The following PACRGL variants were observed in gnomAD, a reference collection of about 807,000 sequenced individuals.
PACRGL encodes the protein PACRG-like protein.
Under a neutral mutation model 34.5 loss-of-function variants are expected in PACRGL, and 38 were observed. That is an observed-to-expected ratio of 1.10 (90% confidence interval 0.85 to 1.44). The LOEUF (loss-of-function observed/expected upper bound fraction) is 1.44, where lower values mean the gene tolerates loss of function less well. Among genes scored for constraint, PACRGL ranks in the 40% most tolerant of loss-of-function variants. The pLI is 0.00. For missense variants in PACRGL, 305 were observed against 281.4 expected (o/e 1.08, Z -0.60); for synonymous variants, 128 against 100.1 (o/e 1.28, Z -1.66).
rs900739202 is a variant in PACRGL at position 20,704,729 on chromosome 4, C to A, written c.122C>A (p.Ser41Tyr). The part of the protein sequence containing the change: ...KHRNAVQGSK[S>Y]SLSTSSPESA... ...AGGAATGCAGTTCAGGGAAGCAAAT[C>A]CTCATTGTCAACCAGTTCTCCAGAG... The change falls in exon 3 of 9, where the codon TCC (serine) becomes TAC (tyrosine). Residue 41 changes from serine to tyrosine, a missense_variant. Physicochemically the swap from Ser to Tyr is moderately radical, Grantham distance 144. Coordinates refer to ENST00000503585, the MANE Select transcript of PACRGL (RefSeq NM_001258345.3). 1 of 1,614,016 alleles carries A rather than the reference C, an allele frequency of 6.2e-7. No individual in the cohort carries two copies. Among genetic ancestry groups the A allele is most frequent in the East Asian group, 2.2e-5 (1 of 44,866 alleles).
downstream of PACRGL, among the ~76,000 whole-genome samples, chr4:20,735,955 G>C (rs1020397008): frequency 1.3e-5 from 2 of 152,180 alleles, no homozygotes; most frequent in African/African-American, 4.8e-5. Context: ...GGGTGAATTT[G>C]CATTATATCT....
chr4:20,716,116 CA>C, intron 7 of PACRGL: 3 of 1,525,018 alleles, frequency 2.0e-6, no homozygotes, highest in Non-Finnish European at 2.6e-6. Context: ...GGACCCTGTG[CA>C]GCTCATGAGG....
At chr4:20,706,341 G>T (rs1032513020) in intron 3 of PACRGL, among the ~76,000 whole-genome samples, 1 of 152,114 alleles carries the variant, frequency 6.6e-6, no homozygotes, top group Admixed American at 6.5e-5. Context: ...CAAAAAGAAA[G>T]ATCATTTGCT....
At chr4:20,710,697 G>A (rs1433804353) in intron 5 of PACRGL, among the ~76,000 whole-genome samples, 1 of 152,134 alleles carries the variant, frequency 6.6e-6, no homozygotes, top group Non-Finnish European at 1.5e-5. Flanking sequence ...TTTGCCAATT[G>A]AGATTCCTTA....
chr4:20,701,244 C>T (rs1732033339), intron 1 of PACRGL, among the ~76,000 whole-genome samples: 2 of 152,048 alleles, frequency 1.3e-5, no homozygotes, highest in Non-Finnish European at 2.9e-5. Context: ...TATCAGCTGC[C>T]CAAACAATGA....
At chr4:20,758,120 A>G in the PACRGL span, among the ~76,000 whole-genome samples, 1 of 152,178 alleles carries the variant, frequency 6.6e-6, no homozygotes, top group Non-Finnish European at 1.5e-5. Context: ...CTGTGGGACA[A>G]ATATAAGTTG....
Position 20,729,964 on chromosome 4 carries a change from T to C in PACRGL, c.*2623T>C. ...TTGCTTTATATTAAAACAAAGCTTG[T>C]TTGCATAATATGCTTCAGTGTCAAG... On this transcript the variant is annotated 3_prime_UTR_variant, in exon 9 of 9. Coordinates refer to ENST00000503585, the MANE Select transcript of PACRGL (RefSeq NM_001258345.3). 1 of 1,202,978 alleles carries C rather than the reference T, an allele frequency of 8.3e-7. No individual in the cohort carries two copies. Among genetic ancestry groups the C allele is most frequent in the Non-Finnish European group, 1.1e-6 (1 of 890,966 alleles). 74.5% of individuals were successfully genotyped at this position (1,202,978 alleles called of 1,614,324 possible).
At chr4:20,744,606 G>A (rs1366338927) in intron 8 of PACRGL, among the ~76,000 whole-genome samples, 1 of 151,786 alleles carries the variant, frequency 6.6e-6, no homozygotes, top group Non-Finnish European at 1.5e-5. Flanking sequence ...ATCACACACG[G>A]GGGCCTGATG....
chr4:20,715,688 G>A (rs1217034799), intron 7 of PACRGL, among the ~76,000 whole-genome samples: 2 of 152,022 alleles, frequency 1.3e-5, no homozygotes, highest in East Asian at 1.9e-4. Context: ...GCAACATGGT[G>A]AAACCCCATC....
chr4:20,743,642 C>T (rs1751711141), intron 8 of PACRGL, among the ~76,000 whole-genome samples: 2 of 152,182 alleles, frequency 1.3e-5, no homozygotes, highest in South Asian at 4.2e-4. Context: ...AAGACTTAAA[C>T]ATTAGACCTA....
intron 7 of PACRGL, 134 bp from the exon 8 acceptor site, chr4:20,724,674 A>C: frequency 2.3e-6 from 1 of 433,040 alleles, no homozygotes; most frequent in South Asian, 7.6e-5. Context: ...TATACATGTA[A>C]ATTTCAATGA....
chr4:20,738,553 A>G (rs577536633), intron 8 of PACRGL, among the ~76,000 whole-genome samples: 9 of 152,336 alleles, frequency 5.9e-5, no homozygotes, highest in Non-Finnish European at 1.3e-4. Context: ...CATCACTGGC[A>G]TTGACCTCAC....
intron 7 of PACRGL, among the ~76,000 whole-genome samples, chr4:20,724,418 T>G (rs1744783685): frequency 6.6e-6 from 1 of 152,186 alleles, no homozygotes; most frequent in African/African-American, 2.4e-5. Flanking sequence ...CATTCACTCT[T>G]ATAAATTACT....
At chr4:20,734,767 A>T, downstream of PACRGL, 1 of 1,337,202 alleles carries the variant, frequency 7.5e-7, no homozygotes, top group South Asian at 1.3e-5. Context: ...ATTTTATATG[A>T]CATTTTTAAA....
intron 7 of PACRGL, among the ~76,000 whole-genome samples, chr4:20,719,501 A>G (rs1408975415): frequency 6.6e-6 from 1 of 152,204 alleles, no homozygotes; most frequent in East Asian, 1.9e-4. Context: ...ACTGCTTTAA[A>G]TATGTCCCAG....
downstream of PACRGL, among the ~76,000 whole-genome samples, chr4:20,734,419 G>A (rs2149272735): frequency 6.6e-6 from 1 of 152,244 alleles, no homozygotes; most frequent in Non-Finnish European, 1.5e-5. Context: ...AAACAAGGGT[G>A]TAATCTTTAT....
chr4:20,759,737 T>G, the PACRGL span, among the ~76,000 whole-genome samples: 4 of 152,216 alleles, frequency 2.6e-5, no homozygotes, highest in Non-Finnish European at 5.9e-5. Context: ...CCCCAATCTC[T>G]GGAAATTCCT....
rs183354909 is a variant in PACRGL, at chr4:20,723,758, A to G, written c.610-1050A>G. Reference sequence around the variant, plus strand: ...ACAAGGACTGACTGAACGGGTATCTAGCTTTCCTGGGCTGCCAGCACTTTG... The same window carrying G: ...ACAAGGACTGACTGAACGGGTATCTGGCTTTCCTGGGCTGCCAGCACTTTG... On this transcript the variant is annotated intron_variant, in intron 7 of 8. Transcript: ENST00000503585. Among the ~76,000 whole-genome samples, 344 of 152,260 alleles carry G rather than the reference A, an allele frequency of 2.3e-3. 3 individuals are homozygous for G. Among genetic ancestry groups the G allele is most frequent in the African/African-American group, 8.1e-3 (335 of 41,532 alleles).
chr4:20,712,160 CCTG>C (rs576750538), intron 5 of PACRGL, among the ~76,000 whole-genome samples: 8 of 151,572 alleles, frequency 5.3e-5, no homozygotes, highest in Non-Finnish European at 1.2e-4. Flanking sequence ...CCTTCCATTT[CCTG>C]CTTTTTCCTT....
Sources: gnomAD v4.1 joint callset for allele counts (sites outside exome capture counted in the v4.1 genomes callset) on GRCh38, gnomAD v4.1.1 for gene constraint, MANE v1.5 for transcripts, NCBI Gene and HGNC (gene_info 2026-07-23, HGNC 2026-07-21) for gene names.